Variants in NCOR1 observed in about 807,000 individuals in gnomAD.
NCOR1 encodes the protein nuclear receptor corepressor 1.
A neutral mutation model predicts 288.1 loss-of-function variants in NCOR1; 63 were observed. The observed-to-expected ratio is 0.22, with a 90% confidence interval of 0.18 to 0.27. The LOEUF (loss-of-function observed/expected upper bound fraction) is 0.27, where lower values mean the gene tolerates loss of function less well. Ranked by LOEUF, NCOR1 falls within the 10% of genes least tolerant of loss-of-function variation. The pLI is 1.00. For missense variants in NCOR1, 2,397 were observed against 3,019.2 expected (o/e 0.79, Z 4.83); for synonymous variants, 1,007 against 1,065.9 (o/e 0.94, Z 1.08).
intron 3 of NCOR1, among the ~76,000 whole-genome samples, chr17:16,173,077 C>T (rs536415892): frequency 1.8e-4 from 27 of 152,040 alleles, no homozygotes; most frequent in African/African-American, 5.8e-4. Flanking sequence ...ATTACAGGCG[C>T]GAGCCACCAT....
chr17:16,170,458 A>G (rs1468871874), intron 4 of NCOR1, among the ~76,000 whole-genome samples: 1 of 152,214 alleles, frequency 6.6e-6, no homozygotes, highest in Non-Finnish European at 1.5e-5. Flanking sequence ...TATTCTTTCT[A>G]TGACAAATAT....
At chr17:16,077,551 AT>A (rs1319208129) in intron 26 of NCOR1, among the ~76,000 whole-genome samples, 1 of 9,454 alleles carries the variant, frequency 1.1e-4, no homozygotes, top group Admixed American at 1.7e-3. Flanking sequence ...GGAGGAGAGG[AT>A]AGGGGAGGGG....
At position 16,031,694 on chromosome 17, in the gene NCOR1, A is replaced by C. The variant is rs1434798737; in HGVS notation, c.*602T>G. 8.8e-6 allele frequency: 2 copies of C among 227,878 alleles called. No individual in the cohort carries two copies. Among genetic ancestry groups the C allele is most frequent in the Non-Finnish European group, 1.7e-5 (2 of 114,842 alleles). 14.1% of individuals were successfully genotyped at this position (227,878 alleles called of 1,614,324 possible). ...GACCCTAATGTACAGATTTTATGAC[A>C]GGGTCTGTGTTAAAAATCTAAACAT... On this transcript the variant is annotated 3_prime_UTR_variant, in exon 46 of 46. Coordinates refer to ENST00000268712, the MANE Select transcript of NCOR1 (RefSeq NM_006311.4).
chr17:16,090,204 T>C (rs1283410543), intron 22 of NCOR1, among the ~76,000 whole-genome samples: 1 of 152,160 alleles, frequency 6.6e-6, no homozygotes, highest in African/African-American at 2.4e-5. Flanking sequence ...TTTAAAATTA[T>C]GATATCCATA....
At chr17:16,148,654 T>C (rs1264172172) in intron 9 of NCOR1, among the ~76,000 whole-genome samples, 1 of 133,318 alleles carries the variant, frequency 7.5e-6, no homozygotes, top group Admixed American at 8.0e-5. Flanking sequence ...GATATTTATA[T>C]GTTCTTGGCA....
intron 21 of NCOR1, among the ~76,000 whole-genome samples, chr17:16,094,686 T>G (rs1363025144): frequency 6.6e-6 from 1 of 152,114 alleles, no homozygotes; most frequent in Non-Finnish European, 1.5e-5. Flanking sequence ...TGCCTCAGCC[T>G]GCCGAGTGCC....
chr17:16,156,976 A>T (rs2079914029), intron 6 of NCOR1, among the ~76,000 whole-genome samples: 1 of 152,004 alleles, frequency 6.6e-6, no homozygotes, highest in Non-Finnish European at 1.5e-5. Flanking sequence ...TAAAAAAGAA[A>T]CATTTTATAA....
chr17:16,120,926 T>A, intron 16 of NCOR1, 126 bp downstream of exon 16: 1 of 866,320 alleles, frequency 1.2e-6, no homozygotes, highest in Non-Finnish European at 1.7e-6. Flanking sequence ...TTTAAAAAAT[T>A]TAAAGACCAC....
At chr17:16,143,293 T>C (rs556964064) in intron 11 of NCOR1, among the ~76,000 whole-genome samples, 24 of 152,224 alleles carry the variant, frequency 1.6e-4, no homozygotes, top group Non-Finnish European at 2.9e-4. Context: ...GGCCTGTCCA[T>C]TCTACCTTTC....
At chr17:16,193,450 C>G (rs978544138) in intron 2 of NCOR1, among the ~76,000 whole-genome samples, 6 of 152,094 alleles carry the variant, frequency 3.9e-5, no homozygotes, top group African/African-American at 9.7e-5. Flanking sequence ...CCAGGCTGGT[C>G]TCAAACTCCT....
At chr17:16,174,788 A>C (rs1419039610) in intron 3 of NCOR1, among the ~76,000 whole-genome samples, 1 of 152,196 alleles carries the variant, frequency 6.6e-6, no homozygotes, top group African/African-American at 2.4e-5. Context: ...TTGCCTTTTA[A>C]AATTAACACC....
At chr17:16,133,922 T>C (rs1159447356) in intron 14 of NCOR1, among the ~76,000 whole-genome samples, 3 of 152,340 alleles carry the variant, frequency 2.0e-5, no homozygotes, top group East Asian at 3.9e-4. Flanking sequence ...CAGAAACTAA[T>C]CCGTTCTCCC....
rs540600008 is a variant in NCOR1 at position 16,207,689 on chromosome 17, C to T, written c.-71+7673G>A. Among the ~76,000 whole-genome samples, 315 of 147,746 alleles carry T rather than the reference C, an allele frequency of 2.1e-3. 2 individuals are homozygous for T. The highest frequency in any genetic ancestry group is 7.4e-3 in the African/African-American group (294 of 39,834). On this transcript the variant is annotated intron_variant, in intron 1 of 45. Coordinates refer to ENST00000268712, the MANE Select transcript of NCOR1 (RefSeq NM_006311.4). Reference sequence around the variant, plus strand: ...CTGGGAGGTGGAGCTTGCAATGAGCCGAGACCGCGCCACTGCACTCCAGCC... The same window carrying T: ...CTGGGAGGTGGAGCTTGCAATGAGCTGAGACCGCGCCACTGCACTCCAGCC...
intron 1 of NCOR1, among the ~76,000 whole-genome samples, chr17:16,203,976 T>C (rs1199536987): frequency 6.6e-6 from 1 of 152,002 alleles, no homozygotes; most frequent in Non-Finnish European, 1.5e-5. Context: ...CTAAAGTTCA[T>C]CTAGAAGAAC....
chr17:16,162,514 C>T (rs78941691), intron 5 of NCOR1, among the ~76,000 whole-genome samples: 3 of 149,898 alleles, frequency 2.0e-5, no homozygotes, highest in African/African-American at 4.9e-5. Flanking sequence ...AACAGAACCC[C>T]GAAGAAAAGA....
At chr17:16,175,106 G>A (rs568473491) in intron 3 of NCOR1, among the ~76,000 whole-genome samples, 6 of 151,926 alleles carry the variant, frequency 3.9e-5, no homozygotes, top group Middle Eastern at 3.4e-3. Flanking sequence ...CGTGGCTCAC[G>A]CCTGTAATCC....
At chr17:16,052,503 A>G (rs534056105) in intron 40 of NCOR1, among the ~76,000 whole-genome samples, 123 of 152,338 alleles carry the variant, frequency 8.1e-4, no homozygotes, top group African/African-American at 2.7e-3. Context: ...GAAATCTAAA[A>G]GAAATGGATA....
chr17:16,041,482 A>T (rs1035766196), intron 42 of NCOR1, among the ~76,000 whole-genome samples: 11 of 128,710 alleles, frequency 8.5e-5, no homozygotes, highest in South Asian at 4.9e-4. Flanking sequence ...GGCGTGATCT[A>T]GGCTCACTGC....
intron 11 of NCOR1, among the ~76,000 whole-genome samples, chr17:16,139,541 AT>A (rs1016844291): frequency 6.6e-6 from 1 of 152,206 alleles, no homozygotes; most frequent in Admixed American, 6.5e-5. Context: ...TAATTATCAT[AT>A]TAGTCTCATT....
Sources: gnomAD v4.1 joint callset for allele counts (sites outside exome capture counted in the v4.1 genomes callset) on GRCh38, gnomAD v4.1.1 for gene constraint, MANE v1.5 for transcripts, NCBI Gene and HGNC (gene_info 2026-07-23, HGNC 2026-07-21) for gene names.